Variants in SLC22A23 observed in about 807,000 individuals in gnomAD.
The protein encoded by SLC22A23 is solute carrier family 22 member 23.
SLC22A23 carries 26 observed loss-of-function variants against 61.0 expected under a neutral mutation model. The observed-to-expected ratio is 0.43, with a 90% CI of 0.31 to 0.59. SLC22A23 has a LOEUF of 0.59. Among genes scored for constraint, SLC22A23 ranks in the 20% least tolerant of loss-of-function variants. The pLI, the probability that SLC22A23 is intolerant of heterozygous loss-of-function variation, is 0.11. For missense variants in SLC22A23, 796 were observed against 934.7 expected (o/e 0.85, Z 1.94); for synonymous variants, 430 against 413.9 (o/e 1.04, Z -0.47).
At chr6:3,420,051 C>T (rs1770012157) in intron 1 of SLC22A23, among the ~76,000 whole-genome samples, 1 of 152,166 alleles carries the variant, frequency 6.6e-6, no homozygotes, top group South Asian at 2.1e-4. Context: ...CATAAAAGCA[C>T]TAAAGTCACA....
rs929255910 is a variant in SLC22A23, at chr6:3,360,627, C to T, written c.914-36625G>A. Among the ~76,000 whole-genome samples the T allele has an allele frequency of 3.3e-5, 5 of 152,258 alleles. No individual in the cohort carries two copies. The highest frequency in any genetic ancestry group is 5.9e-5 in the Non-Finnish European group (4 of 68,038). On this transcript the variant is annotated intron_variant, in intron 3 of 9. Coordinates refer to ENST00000406686, the MANE Select transcript of SLC22A23 (RefSeq NM_015482.2). The surrounding 1 kb of genome is among the most constrained non-coding windows in gnomAD (Gnocchi z 4.6). ...CTTAGTCCACACATCTCTGTATTTC[C>T]GGTCACTTATTGCTATGCTGACTGC...
intron 1 of SLC22A23, among the ~76,000 whole-genome samples, chr6:3,442,045 GAACA>G (rs1230477726): frequency 5.3e-5 from 8 of 152,196 alleles, no homozygotes; most frequent in South Asian, 2.1e-4. Flanking sequence ...GCCGATGGGT[GAACA>G]AACAAACAGA....
chr6:3,434,308 GTAAATAAA>G (rs112412183), intron 1 of SLC22A23, among the ~76,000 whole-genome samples: 9 of 149,930 alleles, frequency 6.0e-5, no homozygotes, highest in Admixed American at 2.7e-4. Context: ...GCGAAACTCT[GTAAATAAA>G]TAAATAAATA....
chr6:3,290,045 A>G (rs1284518625), intron 5 of SLC22A23, 179 bp from the exon 6 acceptor site: 11 of 628,430 alleles, frequency 1.8e-5, no homozygotes, highest in Non-Finnish European at 2.8e-5. Context: ...AAAGGCACTC[A>G]TAAGACCCCA....
intron 3 of SLC22A23, among the ~76,000 whole-genome samples, chr6:3,355,922 C>T (rs1359284761): frequency 6.9e-6 from 1 of 145,452 alleles, no homozygotes; most frequent in Non-Finnish European, 1.5e-5. Flanking sequence ...AAACACAGTA[C>T]GACAGCATTT....
At chr6:3,275,110 T>G (rs905016234) in intron 9 of SLC22A23, among the ~76,000 whole-genome samples, 1 of 152,334 alleles carries the variant, frequency 6.6e-6, no homozygotes, top group East Asian at 1.9e-4. Flanking sequence ...CAGTGTGGTG[T>G]TGGTGTATAT....
intron 3 of SLC22A23, among the ~76,000 whole-genome samples, chr6:3,370,668 G>A (rs1375172812): frequency 2.6e-5 from 4 of 152,234 alleles, no homozygotes; most frequent in Non-Finnish European, 5.9e-5. Context: ...AAGTCCTCAC[G>A]ATGACCTTCA....
rs1245081725 is a variant in SLC22A23, at chr6:3,333,455, C to T, written c.914-9453G>A. 6.6e-6 allele frequency among the ~76,000 whole-genome samples: 1 copy of T among 152,046 alleles called. No homozygotes were observed. The highest frequency in any genetic ancestry group is 1.9e-4 in the East Asian group (1 of 5,178). On this transcript the variant is annotated intron_variant, in intron 3 of 9. Transcript: ENST00000406686. The surrounding 1 kb of genome is among the most constrained non-coding windows in gnomAD (Gnocchi z 4.1). Reference sequence around the variant, plus strand: ...TCCCGCATCCCTCAGACCACATCACCTGCCCCTCCCCGCCCCATCGCTCCA... The same window carrying T: ...TCCCGCATCCCTCAGACCACATCACTTGCCCCTCCCCGCCCCATCGCTCCA...
intron 1 of SLC22A23, among the ~76,000 whole-genome samples, chr6:3,445,998 G>T (rs1342876651): frequency 6.6e-6 from 1 of 152,158 alleles, no homozygotes; most frequent in African/African-American, 2.4e-5. Context: ...GACAAGATGG[G>T]GGCCTGGCTA....
intron 3 of SLC22A23, among the ~76,000 whole-genome samples, chr6:3,340,334 G>A (rs1414659682): frequency 3.3e-5 from 5 of 152,070 alleles, no homozygotes; most frequent in East Asian, 1.9e-4. Context: ...AACGCCCGCC[G>A]GTCACATTCT....
intron 1 of SLC22A23, among the ~76,000 whole-genome samples, chr6:3,437,802 C>T (rs1328195325): frequency 7.0e-6 from 1 of 142,166 alleles, no homozygotes; most frequent in East Asian, 2.1e-4. Context: ...GGCTGGAATG[C>T]AGTGGCACCA....
At chr6:3,373,864 G>C (rs551161362) in intron 3 of SLC22A23, among the ~76,000 whole-genome samples, 9 of 152,348 alleles carry the variant, frequency 5.9e-5, no homozygotes, top group Non-Finnish European at 1.2e-4. Context: ...ACAGTGAACA[G>C]TGGACACTCA....
rs1769529470 is a variant in SLC22A23, at chr6:3,414,566, A to G, written c.758+1186T>C. 6.6e-6 allele frequency among the ~76,000 whole-genome samples: 1 copy of G among 152,186 alleles called. No individual in the cohort carries two copies. Among genetic ancestry groups the G allele is most frequent in the South Asian group, 2.1e-4 (1 of 4,816 alleles). Reference sequence around the variant, plus strand: ...CGCTGGGTTTTGGAAGAAATTTTCCACATGTGTAATGTGACCCTCTGCTGC... The same window carrying G: ...CGCTGGGTTTTGGAAGAAATTTTCCGCATGTGTAATGTGACCCTCTGCTGC... On this transcript the variant is annotated intron_variant, in intron 2 of 9. Coordinates refer to ENST00000406686, the MANE Select transcript of SLC22A23 (RefSeq NM_015482.2). The surrounding 1 kb of genome is among the most constrained non-coding windows in gnomAD (Gnocchi z 5.1).
chr6:3,410,061 A>C lies in SLC22A23; in HGVS notation c.913+127T>G, dbSNP rs1372389097. ...CTCTTTCACAACACTTGAGGCCTTT[A>C]ATGTTTGTGTTTCCACAAAACTGCC... On this transcript the variant is annotated intron_variant, in intron 3 of 9. Coordinates refer to ENST00000406686, the MANE Select transcript of SLC22A23 (RefSeq NM_015482.2). This position sits in a 1 kb window ranked among gnomAD's most constrained non-coding sequence, Gnocchi z 5.0. The C allele has an allele frequency of 1.9e-6, 2 of 1,072,664 alleles. No homozygotes were observed. Among genetic ancestry groups the C allele is most frequent in the Non-Finnish European group, 2.6e-6 (2 of 758,762 alleles). 66.4% of individuals were successfully genotyped at this position (1,072,664 alleles called of 1,614,324 possible).
rs137883174 is a variant in SLC22A23 at position 3,283,310 on chromosome 6, T to G, written c.1703+542A>C. The stretch of plus-strand genomic sequence containing the variant: ...AGCCGGGCGTGGTGGCGCACACCTA[T>G]AATCCCAGCTACTCTGGAGGCTGAG... On this transcript the variant is annotated intron_variant, in intron 9 of 9. Coordinates refer to ENST00000406686, the MANE Select transcript of SLC22A23 (RefSeq NM_015482.2). Among the ~76,000 whole-genome samples, 3 of 152,246 alleles carry G rather than the reference T, an allele frequency of 2.0e-5. No individual in the cohort carries two copies. The East Asian group carries it at 5.8e-4, about 29-fold the overall frequency.
chr6:3,397,907 A>G (rs574821929), intron 3 of SLC22A23, among the ~76,000 whole-genome samples: 1 of 152,362 alleles, frequency 6.6e-6, no homozygotes, highest in African/African-American at 2.4e-5. Context: ...TCACGCTCCA[A>G]GCACTGAGGT....
At chr6:3,362,793 G>A (rs1765564410) in intron 3 of SLC22A23, among the ~76,000 whole-genome samples, 1 of 152,212 alleles carries the variant, frequency 6.6e-6, no homozygotes. Flanking sequence ...CCCAGGAGAG[G>A]AAGCATGAAT....
chr6:3,420,923 G>C (rs1248165867), intron 1 of SLC22A23, among the ~76,000 whole-genome samples: 1 of 151,964 alleles, frequency 6.6e-6, no homozygotes. Flanking sequence ...CGGCCAATAT[G>C]GTGAAATCCT....
intron 4 of SLC22A23, chr6:3,323,154 A>G (rs1039591077): frequency 9.3e-6 from 4 of 430,862 alleles, no homozygotes; most frequent in African/African-American, 8.1e-5. Context: ...AAAAGACTTA[A>G]GGTTACCCAT....
Sources: allele counts gnomAD v4.1 joint callset (sites outside exome capture counted in the v4.1 genomes callset), GRCh38; gene constraint gnomAD v4.1.1; non-coding constraint Gnocchi (gnomAD v3.1); transcripts MANE v1.5; gene names NCBI Gene and HGNC (gene_info 2026-07-23, HGNC 2026-07-21).